RPTOR: variants seen among roughly 807,000 people sequenced by gnomAD.
RPTOR encodes regulatory-associated protein of mTOR.
RPTOR carries 21 observed loss-of-function variants against 169.9 expected under a neutral mutation model. The observed-to-expected ratio is 0.12, with a 90% CI of 0.09 to 0.18. The LOEUF is 0.18. RPTOR is among the 10% of genes least tolerant of loss of function. The pLI is 1.00. For missense variants in RPTOR, 1,133 were observed against 1,855.9 expected, an observed-to-expected ratio of 0.61 and a Z score of 7.16; for synonymous variants, 732 against 753.2, an observed-to-expected ratio of 0.97 and a Z score of 0.46.
rs182459014 is a variant in RPTOR at position 80,625,811 on chromosome 17, A to T, written c.265+18A>T. On this transcript the variant is annotated intron_variant, in intron 2 of 33. Coordinates refer to ENST00000306801, the MANE Select transcript of RPTOR (RefSeq NM_020761.3). ...CTGGATCGGTGAGTATGCCTCCCTC[A>T]CGCGCTGCCACAAAGGCCGTCTGGC... The T allele has an allele frequency of 4.5e-6, 7 of 1,557,202 alleles. No individual in the cohort carries two copies. In the Admixed American group the frequency reaches 1.2e-4, roughly 26 times the overall value.
intron 18 of RPTOR, 61 bp downstream of exon 18, chr17:80,891,898 G>T (rs895577069): frequency 1.5e-5 from 18 of 1,207,632 alleles, no homozygotes; most frequent in Non-Finnish European, 2.1e-5. Context: ...AGTGCAGGCC[G>T]CGGCCCAGTC....
chr17:80,586,996 T>G (rs576169664), intron 1 of RPTOR, among the ~76,000 whole-genome samples: 2 of 152,366 alleles, frequency 1.3e-5, no homozygotes, highest in East Asian at 3.9e-4. Context: ...ATGGGCCACG[T>G]CAGCAATGTT....
intron 28 of RPTOR, among the ~76,000 whole-genome samples, chr17:80,954,314 G>GT (rs1303980489): frequency 2.6e-5 from 4 of 152,150 alleles, no homozygotes; most frequent in Non-Finnish European, 5.9e-5. Flanking sequence ...TAGAGACGGT[G>GT]TTTCACTATG....
chr17:80,889,757 GCAGC>G, intron 17 of RPTOR, among the ~76,000 whole-genome samples: 1 of 152,330 alleles, frequency 6.6e-6, no homozygotes, highest in East Asian at 1.9e-4. Flanking sequence ...GTGCCAGGCA[GCAGC>G]CTCCAGAGCG....
chr17:80,900,762 G>A (rs1406695377), intron 20 of RPTOR, among the ~76,000 whole-genome samples: 2 of 152,190 alleles, frequency 1.3e-5, no homozygotes, highest in African/African-American at 2.4e-5. Flanking sequence ...CCACTCACAC[G>A]TATCTGGCCA....
intron 1 of RPTOR, among the ~76,000 whole-genome samples, chr17:80,587,739 C>T (rs1476328138): frequency 2.1e-5 from 3 of 144,836 alleles, no homozygotes; most frequent in African/African-American, 4.9e-5. Flanking sequence ...ATGATTAAAT[C>T]GAGCTTATTA....
chr17:80,885,980 G>C (rs2068241353), intron 17 of RPTOR, among the ~76,000 whole-genome samples: 1 of 152,260 alleles, frequency 6.6e-6, no homozygotes, highest in South Asian at 2.1e-4. Context: ...CTGGTTTCCT[G>C]ATCTCCTTTG....
In RPTOR at chr17:80,844,499, G is replaced by T. The variant is rs1165923868; in HGVS notation, c.1213-1974G>T. ...GTTCTCGCGGGATGTGGAGGAGGGG[G>T]TACTTAACGAGATTTTTTTTTAACC... On this transcript the variant is annotated intron_variant, in intron 10 of 33. Coordinates refer to ENST00000306801, the MANE Select transcript of RPTOR (RefSeq NM_020761.3). The surrounding 1 kb of genome is among the most constrained non-coding windows in gnomAD (Gnocchi z 4.7). Among the ~76,000 whole-genome samples the T allele has an allele frequency of 6.6e-6, 1 of 152,166 alleles. No individual in the cohort carries two copies. Among genetic ancestry groups the T allele is most frequent in the Non-Finnish European group, 1.5e-5 (1 of 68,032 alleles).
At position 80,922,414 on chromosome 17, in the gene RPTOR, C is replaced by T. The variant is rs186307913; in HGVS notation, c.2521-310C>T. Among the ~76,000 whole-genome samples, 11 of 152,328 alleles carry T rather than the reference C, an allele frequency of 7.2e-5. 1 individual carries two copies. The East Asian group carries it at 1.9e-3, about 27-fold the overall frequency. On this transcript the variant is annotated intron_variant, in intron 21 of 33. Coordinates refer to ENST00000306801, the MANE Select transcript of RPTOR (RefSeq NM_020761.3). ...AAGGTGAGGAGGGTGGGCCGTCATC[C>T]ATCTCAGAGGCTTCAGGCCCTGACC...
chr17:80,920,714 G>T (rs9897968), intron 21 of RPTOR, among the ~76,000 whole-genome samples: 2 of 152,170 alleles, frequency 1.3e-5, no homozygotes, highest in Admixed American at 1.3e-4. Flanking sequence ...TTTGTGCTCC[G>T]TGAGCGTCTG....
chr17:80,829,554 C>A (rs1014046105), intron 9 of RPTOR, among the ~76,000 whole-genome samples: 1 of 152,254 alleles, frequency 6.6e-6, no homozygotes, highest in African/African-American at 2.4e-5. Context: ...CTGTAGCCTG[C>A]CTGTTCCAAG....
At chr17:80,654,609 T>C (rs2065666246) in intron 3 of RPTOR, among the ~76,000 whole-genome samples, 1 of 152,218 alleles carries the variant, frequency 6.6e-6, no homozygotes, top group African/African-American at 2.4e-5. Context: ...AGGAAGAGTC[T>C]CTTCTAAAGG....
At chr17:80,955,636 G>C (rs1027410253) in intron 28 of RPTOR, among the ~76,000 whole-genome samples, 1 of 152,126 alleles carries the variant, frequency 6.6e-6, no homozygotes, top group Non-Finnish European at 1.5e-5. Flanking sequence ...CAGTATCTAC[G>C]AGTTACAGAA....
intron 3 of RPTOR, among the ~76,000 whole-genome samples, chr17:80,700,667 A>ATGATGGAGG (rs1567864533): frequency 1.3e-5 from 1 of 79,926 alleles, no homozygotes; most frequent in Non-Finnish European, 2.5e-5. Flanking sequence ...GATGATGGTG[A>ATGATGGAGG]TGGTGATGAT....
At chr17:80,834,275 G>A (rs988246749) in intron 9 of RPTOR, among the ~76,000 whole-genome samples, 2 of 152,190 alleles carry the variant, frequency 1.3e-5, no homozygotes, top group Non-Finnish European at 2.9e-5. Context: ...GTCTTTCAGC[G>A]GTTTGTAGGC....
chr17:80,904,383 G>T (rs147815897), intron 20 of RPTOR, among the ~76,000 whole-genome samples: 6 of 152,330 alleles, frequency 3.9e-5, no homozygotes, highest in African/African-American at 1.4e-4. Flanking sequence ...GCTGGCAGCT[G>T]TCACCTGCAG....
At chr17:80,724,347 C>T (rs1352832883) in intron 4 of RPTOR, among the ~76,000 whole-genome samples, 1 of 151,160 alleles carries the variant, frequency 6.6e-6, no homozygotes, top group South Asian at 2.1e-4. Context: ...ACCCCTTCCT[C>T]ATGTTTACTG....
Position 80,960,110 on chromosome 17 carries a change from G to T in RPTOR, c.3510G>T (p.Thr1170=), listed in dbSNP as rs781456893. The part of the protein sequence containing the change: ...DIPTGADSCV[T]SLSCDSHRSL... ...CTACGGGCGCAGACAGCTGTGTGAC[G>T]AGTCTGTCCTGTGATTCCCACCGCT... The change falls in exon 30 of 34, where the codon ACG becomes ACT. Residue 1170 remains threonine, a synonymous_variant. Transcript: ENST00000306801. This position sits in a 1 kb window ranked among gnomAD's most constrained non-coding sequence, Gnocchi z 4.8. 1.2e-6 allele frequency: 2 copies of T among 1,613,646 alleles called. No individual in the cohort carries two copies. The highest frequency in any genetic ancestry group is 2.2e-5 in the South Asian group (2 of 91,082).
At chr17:80,630,695 A>G (rs2065435347) in intron 2 of RPTOR, among the ~76,000 whole-genome samples, 1 of 152,208 alleles carries the variant, frequency 6.6e-6, no homozygotes. Context: ...GCTGAGTGCT[A>G]CGGCCTGGCC....
Sources: gnomAD v4.1 joint callset for allele counts (sites outside exome capture counted in the v4.1 genomes callset) on GRCh38, gnomAD v4.1.1 for gene constraint, Gnocchi (gnomAD v3.1) non-coding constraint, MANE v1.5 for transcripts, NCBI Gene and HGNC (gene_info 2026-07-23, HGNC 2026-07-21) for gene names.